The following PNO1 variants were observed in gnomAD, a reference collection of about 807,000 sequenced individuals.
PNO1 encodes the protein partner of NOB1 homolog.
PNO1 carries 16 observed loss-of-function variants against 28.4 expected under a neutral mutation model. The ratio of observed to expected loss-of-function variants is 0.56; its 90% CI spans 0.38 to 0.85. The LOEUF (loss-of-function observed/expected upper bound fraction) is 0.85. Among genes scored for constraint, PNO1 ranks in the 40% least tolerant of loss-of-function variants. The pLI is 0.00. For missense variants in PNO1, 304 were observed against 312.2 expected (o/e 0.97, Z 0.20); for synonymous variants, 115 against 110.8 (o/e 1.04, Z -0.24).
At chr2:68,165,256 T>C (rs951094407) in intron 5 of PNO1, among the ~76,000 whole-genome samples, 11 of 148,198 alleles carry the variant, frequency 7.4e-5, no homozygotes, top group African/African-American at 2.0e-4. Context: ...CCCAGCTACT[T>C]GGGAGGCTGA....
In PNO1 at chr2:68,158,362, G is replaced by C. The variant is rs768952113; in HGVS notation, c.208-18G>C. ...GTCCCTCCATAGCCTTCTGAGTTGT[G>C]TGTTCTTTTATTTACAGAGTGGGAA... On this transcript the variant is annotated intron_variant, in intron 1 of 6. Transcript: ENST00000263657. 5 of 1,602,840 alleles carry C rather than the reference G, an allele frequency of 3.1e-6. No individual in the cohort carries two copies. Among genetic ancestry groups the C allele is most frequent in the South Asian group, 1.1e-5 (1 of 89,254 alleles).
At chr2:68,163,585 T>TACATACA (rs1558619274) in intron 5 of PNO1, among the ~76,000 whole-genome samples, 1 of 144,900 alleles carries the variant, frequency 6.9e-6, no homozygotes, top group African/African-American at 2.7e-5. Flanking sequence ...ACATACATAC[T>TACATACA]TACTCAAGGG....
At chr2:68,173,199 T>C in intron 5 of PNO1, 148 bp from the exon 6 acceptor site, 1 of 551,904 alleles carries the variant, frequency 1.8e-6, no homozygotes, top group Non-Finnish European at 3.2e-6. Context: ...AATTTTTTTG[T>C]AGAGATGGCG....
chr2:68,165,498 A>T (rs1198489781), intron 5 of PNO1, among the ~76,000 whole-genome samples: 69 of 136,708 alleles, frequency 5.0e-4, no homozygotes, highest in Non-Finnish European at 4.3e-4. Context: ...GTGAGTCAAG[A>T]TTGCACCACT....
At chr2:68,167,222 C>G (rs1243278215) in intron 5 of PNO1, among the ~76,000 whole-genome samples, 1 of 152,120 alleles carries the variant, frequency 6.6e-6, no homozygotes, top group African/African-American at 2.4e-5. Context: ...TTATGACTAC[C>G]TGTTCTGGAG....
At position 68,162,339 on chromosome 2, in the gene PNO1, G is replaced by A; in HGVS notation, c.502+14G>A. 1 of 1,589,858 alleles carries A rather than the reference G, an allele frequency of 6.3e-7. No homozygotes were observed. The highest frequency in any genetic ancestry group is 8.6e-7 in the Non-Finnish European group (1 of 1,164,502). ...AAATTACAGATGGTGAGTGTGTGTT[G>A]GTCTGCGCTCTTGTGTCGCTGACTT... On this transcript the variant is annotated intron_variant, in intron 4 of 6. Coordinates refer to ENST00000263657, the MANE Select transcript of PNO1 (RefSeq NM_020143.4).
At chr2:68,174,300 T>C (rs1173414168) in intron 6 of PNO1, among the ~76,000 whole-genome samples, 2 of 151,178 alleles carry the variant, frequency 1.3e-5, no homozygotes, top group East Asian at 3.9e-4. Flanking sequence ...TTTTTTTTTT[T>C]TTTTTTTTTT....
Position 68,158,535 on chromosome 2 carries a change from G to GA in PNO1, c.357+10dup. On this transcript the variant is annotated splice_region_variant and intron_variant, in intron 2 of 6. Transcript: ENST00000263657. ...CAAGGAATGTAGAAATCAGGGTAAG[G>GA]AAAATCTCAATCATTTCCCAATACA... 1 of 1,609,522 alleles carries GA rather than the reference G, an allele frequency of 6.2e-7. No homozygotes were observed. Among genetic ancestry groups the GA allele is most frequent in the East Asian group, 2.2e-5 (1 of 44,840 alleles).
intron 5 of PNO1, among the ~76,000 whole-genome samples, chr2:68,166,615 A>G (rs1453730644): frequency 6.6e-6 from 1 of 152,184 alleles, no homozygotes; most frequent in Non-Finnish European, 1.5e-5. Context: ...GTAATTTCTG[A>G]CTTTTTTGCC....
At chr2:68,158,251 T>C in intron 1 of PNO1, 110 bp downstream of exon 1, 1 of 1,377,690 alleles carries the variant, frequency 7.3e-7, no homozygotes, top group Non-Finnish European at 1.0e-6. Context: ...GCCGTGATGC[T>C]CAGAGAGAAG....
intron 1 of PNO1, 48 bp downstream of exon 1, chr2:68,158,189 G>A (rs1423422652): frequency 2.6e-6 from 4 of 1,515,498 alleles, no homozygotes; most frequent in South Asian, 2.5e-5. Context: ...GGCCAGACGC[G>A]GATCAAGCCG....
chr2:68,172,664 T>C (rs796662188), intron 5 of PNO1, among the ~76,000 whole-genome samples: 1 of 152,238 alleles, frequency 6.6e-6, no homozygotes, highest in African/African-American at 2.4e-5. Context: ...AGTACAGTAT[T>C]GCATTTATGG....
chr2:68,157,919 T>C lies in PNO1; in HGVS notation c.-16T>C, dbSNP rs2103658665. On this transcript the variant is annotated 5_prime_UTR_variant, in exon 1 of 7. Coordinates refer to ENST00000263657, the MANE Select transcript of PNO1 (RefSeq NM_020143.4). ...GCGCACGTGTTTCAGCCGGCAGCGC[T>C]TTAAGATTTCCGGGGATGGAATCCG... 1 of 1,612,364 alleles carries C rather than the reference T, an allele frequency of 6.2e-7. No homozygotes were observed.
chr2:68,167,108 C>T (rs1340914245), intron 5 of PNO1, among the ~76,000 whole-genome samples: 1 of 152,238 alleles, frequency 6.6e-6, no homozygotes, highest in African/African-American at 2.4e-5. Context: ...TCTTCAATGG[C>T]ATGGTCCTTC....
chr2:68,158,461 A>T lies in PNO1; in HGVS notation c.289A>T (p.Thr97Ser), dbSNP rs776262097. The change falls in exon 2 of 7, where the codon ACT becomes TCT. Residue 97 changes from threonine to serine, a missense_variant. Coordinates refer to ENST00000263657, the MANE Select transcript of PNO1 (RefSeq NM_020143.4). ...PLKENWMKIFTPIVEHLGLQI... is the reference protein window; with the variant it reads ...PLKENWMKIFSPIVEHLGLQI... ...GAAAGAAAACTGGATGAAGATATTT[A>T]CTCCTATTGTGGAACATTTGGGACT... 1.9e-6 allele frequency: 3 copies of T among 1,612,888 alleles called. No homozygotes were observed. Among genetic ancestry groups the T allele is most frequent in the Non-Finnish European group, 2.5e-6 (3 of 1,179,024 alleles).
At chr2:68,169,221 G>A (rs1048127874) in intron 5 of PNO1, among the ~76,000 whole-genome samples, 11 of 152,028 alleles carry the variant, frequency 7.2e-5, no homozygotes, top group East Asian at 3.9e-4. Flanking sequence ...GAGCCACTGC[G>A]CCTGGCCAGT....
chr2:68,158,420 A>G lies in PNO1; in HGVS notation c.248A>G (p.Asn83Ser), dbSNP rs137989060. ...ACAAGGAAAATTCCAGTCCCAGCTA[A>G]CAGATACACACCATTGAAAGAAAAC... ...EETRKIPVPA[N>S]RYTPLKENWM... The change falls in exon 2 of 7, where the codon AAC (asparagine) becomes AGC (serine). Residue 83 changes from asparagine to serine, a missense_variant. By Grantham distance (46) the Asn-to-Ser change is conservative (BLOSUM62 1). Coordinates refer to ENST00000263657, the MANE Select transcript of PNO1 (RefSeq NM_020143.4). The G allele has an allele frequency of 6.2e-7, 1 of 1,613,234 alleles. No individual in the cohort carries two copies. The highest frequency in any genetic ancestry group is 8.5e-7 in the Non-Finnish European group (1 of 1,179,596).
At chr2:68,158,789 T>C (rs1190830053) in intron 2 of PNO1, among the ~76,000 whole-genome samples, 1 of 152,220 alleles carries the variant, frequency 6.6e-6, no homozygotes, top group African/African-American at 2.4e-5. Flanking sequence ...TAATGTTCTA[T>C]GTCAAATTGA....
chr2:68,164,347 C>T (rs1673918604), intron 5 of PNO1, among the ~76,000 whole-genome samples: 2 of 151,652 alleles, frequency 1.3e-5, no homozygotes, highest in African/African-American at 4.8e-5. Context: ...AAAAATTAGC[C>T]GGGTGTGGCG....
Sources: allele counts gnomAD v4.1 joint callset (sites outside exome capture counted in the v4.1 genomes callset), GRCh38; gene constraint gnomAD v4.1.1; transcripts MANE v1.5; gene names NCBI Gene and HGNC (gene_info 2026-07-23, HGNC 2026-07-21).